The following SPOCK3 variants were observed in gnomAD, a reference collection of about 807,000 sequenced individuals.
SPOCK3 encodes the protein SPARC (osteonectin), cwcv and kazal like domains proteoglycan 3.
A neutral mutation model predicts 56.6 loss-of-function variants in SPOCK3; 30 were observed. The ratio of observed to expected loss-of-function variants is 0.53; its 90% confidence interval spans 0.40 to 0.72. The LOEUF (loss-of-function observed/expected upper bound fraction) is 0.72. Among genes scored for constraint, SPOCK3 ranks in the 30% least tolerant of loss-of-function variants. The pLI is 0.00. For synonymous variants in SPOCK3, 196 were observed against 183.3 expected (o/e 1.07, Z -0.56); for missense variants, 527 against 530.0 (o/e 0.99, Z 0.06).
chr4:167,111,042 G>T (rs1347950877), intron 2 of SPOCK3, among the ~76,000 whole-genome samples: 2 of 151,638 alleles, frequency 1.3e-5, no homozygotes, highest in Non-Finnish European at 2.9e-5. Context: ...GCCAAAAAAA[G>T]AAATATAATT....
At chr4:167,222,634 A>G (rs1240934944) in intron 2 of SPOCK3, among the ~76,000 whole-genome samples, 1 of 140,648 alleles carries the variant, frequency 7.1e-6, no homozygotes, top group African/African-American at 2.6e-5. Flanking sequence ...AAACATAGAT[A>G]TATATTATAT....
At chr4:166,742,141 A>T (rs962981237) in intron 8 of SPOCK3, 82 bp from the exon 9 acceptor site, 9 of 1,037,292 alleles carry the variant, frequency 8.7e-6, no homozygotes, top group Non-Finnish European at 1.3e-5. Context: ...AACTTCACTT[A>T]GTCTTTTTGT....
At chr4:166,889,486 T>C (rs1337649712) in intron 5 of SPOCK3, among the ~76,000 whole-genome samples, 4 of 152,060 alleles carry the variant, frequency 2.6e-5, no homozygotes, top group East Asian at 3.9e-4. Flanking sequence ...CTGAGAAATA[T>C]AATAGGTTTA....
chr4:167,049,184 A>T (rs778146336), intron 3 of SPOCK3, among the ~76,000 whole-genome samples: 15 of 151,482 alleles, frequency 9.9e-5, no homozygotes, highest in Non-Finnish European at 1.9e-4. Flanking sequence ...AGCTCACTGC[A>T]ACCTCTGCCT....
chr4:166,829,132 T>A (rs1229877804), intron 6 of SPOCK3, among the ~76,000 whole-genome samples: 2 of 152,120 alleles, frequency 1.3e-5, no homozygotes, highest in Admixed American at 1.3e-4. Flanking sequence ...ATACACAGAT[T>A]CAAGCACAAA....
chr4:166,949,222 G>C (rs1350360683), intron 4 of SPOCK3, among the ~76,000 whole-genome samples: 17 of 151,962 alleles, frequency 1.1e-4, no homozygotes, highest in Non-Finnish European at 2.1e-4. Context: ...CTCTGTATTG[G>C]TTATTCTAGT....
chr4:167,217,681 C>T (rs1735503431), intron 2 of SPOCK3, among the ~76,000 whole-genome samples: 1 of 151,926 alleles, frequency 6.6e-6, no homozygotes, highest in African/African-American at 2.4e-5. Flanking sequence ...ATTAATATGT[C>T]CTTTACACAG....
At chr4:166,912,806 C>T in intron 4 of SPOCK3, 63 bp from the exon 5 acceptor site, 1 of 1,388,652 alleles carries the variant, frequency 7.2e-7, no homozygotes, top group South Asian at 1.6e-5. Flanking sequence ...TTTATATTAG[C>T]TCATTCCTCT....
chr4:167,088,245 G>T (rs1401958030), intron 2 of SPOCK3, among the ~76,000 whole-genome samples: 3 of 152,088 alleles, frequency 2.0e-5, no homozygotes, highest in Non-Finnish European at 4.4e-5. Flanking sequence ...CAGAGGTGCA[G>T]TAAGCTGGTC....
chr4:166,823,960 GT>G (rs1205673025), intron 6 of SPOCK3, among the ~76,000 whole-genome samples: 9 of 152,032 alleles, frequency 5.9e-5, no homozygotes, highest in African/African-American at 1.4e-4. Flanking sequence ...GCTGTTATCG[GT>G]TAATGAGACA....
intron 2 of SPOCK3, among the ~76,000 whole-genome samples, chr4:167,205,363 ATATATTTTATATATATAATAT>A (rs1734062522): frequency 2.8e-5 from 1 of 36,190 alleles, no homozygotes; most frequent in African/African-American, 1.7e-4. Context: ...TATATATATT[ATATATTTTATATATATAATAT>A]ATATATTTTA....
At chr4:167,113,113 T>C (rs1296254717) in intron 2 of SPOCK3, among the ~76,000 whole-genome samples, 6 of 152,140 alleles carry the variant, frequency 3.9e-5, no homozygotes, top group African/African-American at 1.4e-4. Context: ...AGGCCAATTG[T>C]TGTAGTATGA....
intron 6 of SPOCK3, among the ~76,000 whole-genome samples, chr4:166,888,307 C>T (rs1258390015): frequency 1.3e-5 from 2 of 151,868 alleles, no homozygotes; most frequent in African/African-American, 4.8e-5. Flanking sequence ...TAAGGGCATC[C>T]AATAATAATT....
At chr4:166,926,237 A>G (rs1739082307) in intron 4 of SPOCK3, among the ~76,000 whole-genome samples, 1 of 152,204 alleles carries the variant, frequency 6.6e-6, no homozygotes, top group Non-Finnish European at 1.5e-5. Flanking sequence ...TAAATATAGA[A>G]CATGAGAAAA....
chr4:167,234,350 TCA>T, intron 1 of SPOCK3, 98 bp downstream of exon 1: 5 of 636,688 alleles, frequency 7.9e-6, no homozygotes, highest in Non-Finnish European at 1.4e-5. Context: ...AGCCGGGCAC[TCA>T]CACACACGCA....
At chr4:166,744,708 G>A (rs1184331925) in intron 8 of SPOCK3, among the ~76,000 whole-genome samples, 8 of 152,052 alleles carry the variant, frequency 5.3e-5, no homozygotes, top group South Asian at 2.1e-4. Flanking sequence ...GAGGATGTTC[G>A]AACCCATTGC....
intron 2 of SPOCK3, among the ~76,000 whole-genome samples, chr4:167,102,922 GAAAAAAAAAAAAA>G (rs55740507): frequency 1.6e-5 from 1 of 62,516 alleles, no homozygotes; most frequent in Non-Finnish European, 2.9e-5. Context: ...ATAGCTTGCA[GAAAAAAAAAAAAA>G]AAAAAAAAAA....
At chr4:166,874,388 G>A (rs560673278) in intron 6 of SPOCK3, among the ~76,000 whole-genome samples, 1 of 152,262 alleles carries the variant, frequency 6.6e-6, no homozygotes, top group East Asian at 1.9e-4. Context: ...AGGCTTGTTA[G>A]CTTCCAAGTA....
In SPOCK3 at chr4:166,892,627, A is replaced by G. The variant is rs79477526; in HGVS notation, c.475-3383T>C. Among the ~76,000 whole-genome samples the G allele has an allele frequency of 2.7e-3, 404 of 152,226 alleles. 9 individuals are homozygous for G. The East Asian group carries it at 0.06, about 23-fold the overall frequency. On this transcript the variant is annotated intron_variant, in intron 5 of 10. Coordinates refer to ENST00000357545, the MANE Select transcript of SPOCK3 (RefSeq NM_001040159.2). ...ATATTTATAAAGGTATATGTGAACT[A>G]AAATATCACATAAAGGGCATGCTCA...
Sources: allele counts gnomAD v4.1 joint callset (sites outside exome capture counted in the v4.1 genomes callset), GRCh38; gene constraint gnomAD v4.1.1; transcripts MANE v1.5; gene names NCBI Gene and HGNC (gene_info 2026-07-23, HGNC 2026-07-21).